The following ZFP90 variants were observed in gnomAD, a reference collection of about 807,000 sequenced individuals.
ZFP90 encodes ZFP90 zinc finger protein, also known as zinc finger protein 90 homolog.
Under a neutral mutation model 60.8 loss-of-function variants are expected in ZFP90, and 38 were observed. The ratio of observed to expected loss-of-function variants is 0.62; its 90% CI spans 0.48 to 0.82. The LOEUF is 0.82. Ranked by LOEUF, ZFP90 falls within the 40% of genes least tolerant of loss-of-function variation. The pLI is 0.00. For synonymous variants in ZFP90, 287 were observed against 264.8 expected, an observed-to-expected ratio of 1.08 and a Z score of -0.82; for missense variants, 711 against 759.1, an observed-to-expected ratio of 0.94 and a Z score of 0.74.
At chr16:68,558,242 T>G in intron 3 of ZFP90, 118 bp downstream of exon 3, 1 of 1,469,446 alleles carries the variant, frequency 6.8e-7, no homozygotes, top group South Asian at 1.2e-5. Context: ...GGTCAGAGCT[T>G]GTTAATCTCA....
At chr16:68,533,650 A>C (rs544522028) in intron 1 of ZFP90, 1 of 152,088 alleles carries the variant, frequency 6.6e-6, no homozygotes, top group Non-Finnish European at 1.5e-5. Context: ...GCTGTCTTCC[A>C]TTGTTGCCAT....
At chr16:68,574,951 AAAAAG>A (rs1178574249) in intron 2 of ZFP90, among the ~76,000 whole-genome samples, 29 of 131,992 alleles carry the variant, frequency 2.2e-4, no homozygotes, top group African/African-American at 6.6e-4. Flanking sequence ...AAGTGGAAAA[AAAAAG>A]AGACACTGTG....
intron 2 of ZFP90, among the ~76,000 whole-genome samples, chr16:68,546,941 C>T (rs988314000): frequency 6.6e-6 from 1 of 152,156 alleles, no homozygotes; most frequent in Non-Finnish European, 1.5e-5. Flanking sequence ...AAAATAAAAG[C>T]CTTTCTAAGG....
chr16:68,543,004 T>C (rs1379579716), intron 2 of ZFP90, among the ~76,000 whole-genome samples: 1 of 151,898 alleles, frequency 6.6e-6, no homozygotes, highest in Admixed American at 6.6e-5. Context: ...GGAAAAAAGG[T>C]AGAGAAAGGT....
At chr16:68,544,280 C>T (rs991203429) in intron 2 of ZFP90, among the ~76,000 whole-genome samples, 1 of 152,176 alleles carries the variant, frequency 6.6e-6, no homozygotes, top group African/African-American at 2.4e-5. Flanking sequence ...TGTGGTGGCA[C>T]ACACACCTAT....
In ZFP90 at chr16:68,565,623, T is replaced by C; in HGVS notation, c.*925T>C. 1.0e-6 allele frequency: 1 copy of C among 985,558 alleles called. No homozygotes were observed. Among genetic ancestry groups the C allele is most frequent in the Non-Finnish European group, 1.2e-6 (1 of 829,922 alleles). The allele number at this position is 985,558 out of a possible 1,614,324, so 61.1% of individuals were successfully genotyped here. A position where few individuals can be genotyped will look rare whatever the true frequency, so the allele number is the denominator to read the frequency against. On this transcript the variant is annotated 3_prime_UTR_variant, in exon 5 of 5. Coordinates refer to ENST00000563169, the MANE Select transcript of ZFP90 (RefSeq NM_001305203.2). The stretch of plus-strand genomic sequence containing the variant: ...CTATTAAGTCCCCTTATTGTACTTT[T>C]TATGGCATGCCCATGAAAAAGCACT...
rs199889823 is a variant in ZFP90 at position 68,561,687 on chromosome 16, TC to T, written c.257-1356del. Among the ~76,000 whole-genome samples, 510 of 152,322 alleles carry T rather than the reference TC, an allele frequency of 3.3e-3. 2 individuals carry two copies. Among genetic ancestry groups the T allele is most frequent in the African/African-American group, 0.012 (481 of 41,572 alleles). ...AAGCAATCAGAACATACTTGACTGA[TC>T]AGTAAGAAATCTGGTTAGCAAGAAA... On this transcript the variant is annotated intron_variant, in intron 4 of 4. Transcript: ENST00000563169.
Position 68,544,787 on chromosome 16 carries a change from A to G in ZFP90, c.33+4962A>G, listed in dbSNP as rs552448174. ...CCTGAGCTGACAGGAGGTGGTCTCT[A>G]AGTCTCAGCTGAGATTGCACCTTCC... is the stretch of plus-strand genomic sequence containing the variant. On this transcript the variant is annotated intron_variant, in intron 2 of 4. Transcript: ENST00000563169. 5.3e-5 allele frequency among the ~76,000 whole-genome samples: 8 copies of G among 151,486 alleles called. No individual in the cohort carries two copies. The East Asian group carries it at 1.2e-3, about 22-fold the overall frequency.
chr16:68,557,430 A>T (rs1489100448), intron 2 of ZFP90: 1 of 360,224 alleles, frequency 2.8e-6, no homozygotes, highest in South Asian at 2.0e-5. Flanking sequence ...TTATTCCACT[A>T]TGCAAAGATC....
intron 2 of ZFP90, among the ~76,000 whole-genome samples, chr16:68,542,997 A>G (rs2091079268): frequency 6.6e-6 from 1 of 152,178 alleles, no homozygotes; most frequent in South Asian, 2.1e-4. Context: ...TCAAGAGGGA[A>G]AAAAGGTAGA....
chr16:68,565,153 T>C lies in ZFP90; in HGVS notation c.*455T>C, dbSNP rs1054980302. On this transcript the variant is annotated 3_prime_UTR_variant, in exon 5 of 5. Transcript: ENST00000563169. Reference sequence around the variant, plus strand: ...CAGTTCCAACTCCAGGAAGTCACCATTCAAAGAATTAGATCAACTAGCCCA... The same window carrying C: ...CAGTTCCAACTCCAGGAAGTCACCACTCAAAGAATTAGATCAACTAGCCCA... The C allele has an allele frequency of 4.0e-6, 4 of 992,418 alleles. No homozygotes were observed. The African/African-American group carries it at 7.0e-5, about 17-fold the overall frequency. 61.5% of individuals were successfully genotyped at this position (992,418 alleles called of 1,614,324 possible). A position where few individuals can be genotyped will look rare whatever the true frequency, so the allele number is the denominator to read the frequency against.
At chr16:68,574,704 C>T (rs142008551) in intron 2 of ZFP90, among the ~76,000 whole-genome samples, 7 of 152,098 alleles carry the variant, frequency 4.6e-5, no homozygotes, top group Admixed American at 1.3e-4. Flanking sequence ...CAGGCAGATT[C>T]CTTTGAGCTC....
Position 68,558,086 on chromosome 16 carries a change from A to T in ZFP90, c.122A>T (p.Asp41Val). Residue 41 changes from aspartate (D) to valine (V), a missense_variant, in exon 3 of 5, where the codon GAT becomes GTT. Coordinates refer to ENST00000563169, the MANE Select transcript of ZFP90 (RefSeq NM_001305203.2). Reference sequence around the variant, plus strand: ...CCTGCTCAGAGGAGCTTATACAGGGATGTGATGCTGGAGAACTATAGCCAC... The same window carrying T: ...CCTGCTCAGAGGAGCTTATACAGGGTTGTGATGCTGGAGAACTATAGCCAC... ...VDPAQRSLYR[D>V]VMLENYSHLV... is the part of the protein sequence containing the mutation. 1 of 1,613,854 alleles carries T rather than the reference A, an allele frequency of 6.2e-7. No individual in the cohort carries two copies. Among genetic ancestry groups the T allele is most frequent in the Non-Finnish European group, 8.5e-7 (1 of 1,179,938 alleles).
Position 68,563,458 on chromosome 16 carries a change from C to A in ZFP90, c.671C>A (p.Ser224Ter). ...TGTAGAAAAGCCTTTATTCATAGAT[C>A]ATCGCTTACTAAACATGAGAAAACA... ...DKCRKAFIHR[S>*]SLTKHEKTHK... Residue 224 changes from serine to a stop codon, truncating the protein, a stop_gained, in exon 5 of 5, where the codon TCA becomes TAA. Coordinates refer to ENST00000563169, the MANE Select transcript of ZFP90 (RefSeq NM_001305203.2). LOFTEE classifies it high-confidence loss of function. 6.2e-7 allele frequency: 1 copy of A among 1,614,120 alleles called. No individual in the cohort carries two copies.
chr16:68,542,903 C>T (rs2091077373), intron 2 of ZFP90, among the ~76,000 whole-genome samples: 1 of 152,092 alleles, frequency 6.6e-6, no homozygotes, highest in Non-Finnish European at 1.5e-5. Context: ...ACCCTGCTCT[C>T]AAGGAGCTTA....
Position 68,558,573 on chromosome 16 carries a change from A to G in ZFP90, c.256+5A>G, listed in dbSNP as rs771144962. 4.3e-6 allele frequency: 7 copies of G among 1,611,488 alleles called. No homozygotes were observed. The highest frequency in any genetic ancestry group is 2.7e-5 in the African/African-American group (2 of 74,838). ...TCCAACGACCTTTCTATCCAGGTAAATGAGTGAGAGTCAGGCATTAGGAAT... is the reference window on the plus strand; with the variant it reads ...TCCAACGACCTTTCTATCCAGGTAAGTGAGTGAGAGTCAGGCATTAGGAAT... On this transcript the variant is annotated splice_donor_5th_base_variant and intron_variant, in intron 4 of 4. Coordinates refer to ENST00000563169, the MANE Select transcript of ZFP90 (RefSeq NM_001305203.2).
exon 3 of ZFP90, chr16:68,576,053 A>G (rs2091592929): frequency 2.7e-6 from 1 of 366,088 alleles, no homozygotes; most frequent in Admixed American, 4.6e-5. Flanking sequence ...AAAAAAAAAA[A>G]AAAAGCATTT....
At chr16:68,540,332 TAAA>T (rs1176187781) in intron 2 of ZFP90, among the ~76,000 whole-genome samples, 2 of 151,968 alleles carry the variant, frequency 1.3e-5, no homozygotes, top group South Asian at 2.1e-4. Flanking sequence ...CAAAACAAAA[TAAA>T]AAACAACCAA....
chr16:68,543,906 T>C (rs1434108758), intron 2 of ZFP90, among the ~76,000 whole-genome samples: 1 of 146,472 alleles, frequency 6.8e-6, no homozygotes, highest in Non-Finnish European at 1.5e-5. Flanking sequence ...TCTATCAGTG[T>C]GCAGTGTGCA....
Sources: allele counts gnomAD v4.1 joint callset (sites outside exome capture counted in the v4.1 genomes callset), GRCh38; gene constraint gnomAD v4.1.1; transcripts MANE v1.5; gene names NCBI Gene and HGNC (gene_info 2026-07-23, HGNC 2026-07-21).